Variants in KIF1C observed in about 807,000 individuals in gnomAD.
The protein encoded by KIF1C is kinesin family member 1C.
Under a neutral mutation model 126.5 loss-of-function variants are expected in KIF1C, and 61 were observed. The observed-to-expected ratio is 0.48, with a 90% CI of 0.39 to 0.60. The LOEUF is 0.60. KIF1C is among the 20% of genes least tolerant of loss of function. KIF1C has a pLI of 0.00. For missense variants in KIF1C, 1,315 were observed against 1,489.2 expected (o/e 0.88, Z 1.93); for synonymous variants, 640 against 580.6 (o/e 1.10, Z -1.47).
Position 5,004,586 on chromosome 17 carries a change from C to G in KIF1C, c.960C>G (p.Ala320=). 6.2e-7 allele frequency: 1 copy of G among 1,614,154 alleles called. No individual in the cohort carries two copies. Among genetic ancestry groups the G allele is most frequent in the Non-Finnish European group, 8.5e-7 (1 of 1,180,032 alleles). Residue 320 remains alanine, a synonymous_variant, in exon 12 of 23, where the codon GCC becomes GCG. Coordinates refer to ENST00000320785, the MANE Select transcript of KIF1C (RefSeq NM_006612.6). Reference sequence around the variant, plus strand: ...TCACAGGGGGGAACTCACGCACAGCCATGATTGCAGCCCTGAGCCCTGCTG... The same window carrying G: ...TCACAGGGGGGAACTCACGCACAGCGATGATTGCAGCCCTGAGCCCTGCTG... The part of the protein sequence containing the change: ...KENLGGNSRT[A]MIAALSPADI...
In KIF1C at chr17:5,024,722, T is replaced by G. The variant is rs1314216033; in HGVS notation, c.*571T>G. On this transcript the variant is annotated 3_prime_UTR_variant, in exon 23 of 23. Coordinates refer to ENST00000320785, the MANE Select transcript of KIF1C (RefSeq NM_006612.6). Reference sequence around the variant, plus strand: ...ACAGGGAGCTTGTGGCCTGTTTGTTTTGGGTTTTCATGGAGGTGTAGGTTA... The same window carrying G: ...ACAGGGAGCTTGTGGCCTGTTTGTTGTGGGTTTTCATGGAGGTGTAGGTTA... 6.5e-6 allele frequency: 1 copy of G among 153,272 alleles called. No individual in the cohort carries two copies. Among genetic ancestry groups the G allele is most frequent in the African/African-American group, 2.4e-5 (1 of 41,430 alleles). The allele number at this position is 153,272 out of a possible 1,614,324, so 9.5% of individuals were successfully genotyped here. A position where few individuals can be genotyped will look rare whatever the true frequency, so the allele number is the denominator to read the frequency against.
chr17:5,016,967 G>C (rs1974984080), intron 18 of KIF1C, among the ~76,000 whole-genome samples: 1 of 151,978 alleles, frequency 6.6e-6, no homozygotes, highest in African/African-American at 2.4e-5. Context: ...GCCAATCAAG[G>C]CAGTTGTTCT....
intron 13 of KIF1C, among the ~76,000 whole-genome samples, chr17:5,005,206 A>T (rs1466832462): frequency 1.3e-5 from 2 of 152,240 alleles, no homozygotes; most frequent in Non-Finnish European, 2.9e-5. Context: ...CTAGGAGAGG[A>T]TGAGGATCCA....
rs770999470 is a variant in KIF1C, at chr17:5,022,734, T to C, written c.2628+25T>C. ...GGTAGGACTGGCCTTCTGCCTCCCT[T>C]CTCTCCTCCCTCGGCTCTTCACTTT... On this transcript the variant is annotated intron_variant, in intron 22 of 22. Transcript: ENST00000320785. This position sits in a 1 kb window ranked among gnomAD's most constrained non-coding sequence, Gnocchi z 4.9. 4 of 1,498,684 alleles carry C rather than the reference T, an allele frequency of 2.7e-6. No homozygotes were observed. Among genetic ancestry groups the C allele is most frequent in the East Asian group, 4.6e-5 (2 of 43,400 alleles). 92.8% of individuals were successfully genotyped at this position (1,498,684 alleles called of 1,614,324 possible). A position where few individuals can be genotyped will look rare whatever the true frequency, so the allele number is the denominator to read the frequency against.
At chr17:5,009,901 C>G (rs1035957075) in intron 16 of KIF1C, among the ~76,000 whole-genome samples, 1 of 151,976 alleles carries the variant, frequency 6.6e-6, no homozygotes, top group African/African-American at 2.4e-5. Context: ...TTCACGGCCT[C>G]TCTAATAGTT....
intron 16 of KIF1C, among the ~76,000 whole-genome samples, chr17:5,010,177 T>C (rs567212513): frequency 1.6e-4 from 25 of 152,312 alleles, no homozygotes; most frequent in African/African-American, 5.8e-4. Flanking sequence ...GCACTGGCCT[T>C]GGCCTCCTGA....
Position 5,023,607 on chromosome 17 carries a change from G to T in KIF1C, c.2768G>T (p.Arg923Leu). Residue 923 changes from arginine (R) to leucine (L), a missense_variant, in exon 23 of 23, where the codon CGG (arginine) becomes CTG (leucine). Around this residue, in one of 2 missense-constraint regions of KIF1C, gnomAD observed 441 missense variants for 436.1 expected, o/e 1.01. Coordinates refer to ENST00000320785, the MANE Select transcript of KIF1C (RefSeq NM_006612.6). This position sits in a 1 kb window ranked among gnomAD's most constrained non-coding sequence, Gnocchi z 4.2. ...PPSPPLSSWE[R>L]VSRLMEEDPA... ...TCGCCACCACTGTCAAGCTGGGAGC[G>T]GGTGTCACGGCTCATGGAGGAGGAC... 1.2e-6 allele frequency: 2 copies of T among 1,613,718 alleles called. No individual in the cohort carries two copies. Among genetic ancestry groups the T allele is most frequent in the Non-Finnish European group, 1.7e-6 (2 of 1,179,922 alleles).
Position 5,022,320 on chromosome 17 carries a change from C to G in KIF1C, c.2239C>G (p.Leu747Val). The G allele has an allele frequency of 6.2e-7, 1 of 1,608,322 alleles. No individual in the cohort carries two copies. Among genetic ancestry groups the G allele is most frequent in the Non-Finnish European group, 8.5e-7 (1 of 1,177,340 alleles). The change falls in exon 22 of 23, where the codon CTG becomes GTG. Residue 747 changes from leucine (L) to valine (V), a missense_variant. Physicochemically the swap from Leu to Val is conservative, Grantham distance 32. Around this residue, in one of 2 missense-constraint regions of KIF1C, gnomAD observed 874 missense variants for 1,053.2 expected, o/e 0.83. Coordinates refer to ENST00000320785, the MANE Select transcript of KIF1C (RefSeq NM_006612.6). This position sits in a 1 kb window ranked among gnomAD's most constrained non-coding sequence, Gnocchi z 4.9. ...CCCCCGCTGGGCCACCATGGCTGAC[C>G]TGAAGATGCAGGCGGTGAAGGAGAT... ...KDPRWATMAD[L>V]KMQAVKEICY...
At position 5,024,075 on chromosome 17, in the gene KIF1C, C is replaced by T; in HGVS notation, c.3236C>T (p.Pro1079Leu). 1.2e-6 allele frequency: 2 copies of T among 1,602,584 alleles called. No individual in the cohort carries two copies. The highest frequency in any genetic ancestry group is 1.7e-6 in the Non-Finnish European group (2 of 1,174,528). The change falls in exon 23 of 23, where the codon CCC (proline) becomes CTC (leucine). Residue 1079 changes from proline (P) to leucine (L), a missense_variant. Pro to Leu is a moderately conservative substitution (Grantham distance 98). Around this residue, in one of 2 missense-constraint regions of KIF1C, gnomAD observed 441 missense variants for 436.1 expected, o/e 1.01. Coordinates refer to ENST00000320785, the MANE Select transcript of KIF1C (RefSeq NM_006612.6). ...CAGCGGCCCCCAGGGCCCCGCTACC[C>T]CCCATACACTACTCCCCCACGAATG... is the stretch of plus-strand genomic sequence containing the variant. ...PAQRPPGPRY[P>L]PYTTPPRMRR...
chr17:5,000,353 G>A lies in KIF1C; in HGVS notation c.106+1G>A. On this transcript the variant is annotated splice_donor_variant, in intron 3 of 22. Transcript: ENST00000320785. LOFTEE classifies it high-confidence loss of function. Reference sequence around the variant, plus strand: ...GTCAGCATGCAGGGCAACACCACCTGTGAGTGAGTCCCCGGGGCCTGGCTG... The same window carrying A: ...GTCAGCATGCAGGGCAACACCACCTATGAGTGAGTCCCCGGGGCCTGGCTG... 2 of 1,572,650 alleles carry A rather than the reference G, an allele frequency of 1.3e-6. No homozygotes were observed. The highest frequency in any genetic ancestry group is 1.2e-5 in the South Asian group (1 of 85,940).
At chr17:5,005,033 G>A (rs1489112988) in intron 13 of KIF1C, 33 bp downstream of exon 13, 1 of 1,613,362 alleles carries the variant, frequency 6.2e-7, no homozygotes, top group East Asian at 2.2e-5. Context: ...GCTCAGGGAT[G>A]CCCCTTGGCC....
chr17:5,002,710 G>A (rs753532768), intron 7 of KIF1C, 21 bp from the exon 8 acceptor site: 2 of 1,613,574 alleles, frequency 1.2e-6, no homozygotes, highest in Non-Finnish European at 1.7e-6. Context: ...AGGATCCAGT[G>A]ACTGCTTTCT....
intron 16 of KIF1C, among the ~76,000 whole-genome samples, chr17:5,008,026 T>G (rs1384185167): frequency 1.3e-5 from 2 of 151,968 alleles, no homozygotes; most frequent in African/African-American, 2.4e-5. Flanking sequence ...CTGGAGAAGG[T>G]GGTTTGGAAA....
At chr17:5,019,584 T>C in intron 18 of KIF1C, 1 of 210,506 alleles carries the variant, frequency 4.8e-6, no homozygotes, top group Non-Finnish European at 1.1e-5. Flanking sequence ...AGGGGTGGGC[T>C]ACAAGCCTGC....
intron 16 of KIF1C, among the ~76,000 whole-genome samples, chr17:5,012,521 G>T (rs1470771961): frequency 6.6e-6 from 1 of 152,070 alleles, no homozygotes; most frequent in African/African-American, 2.4e-5. Context: ...GACTGGAGCC[G>T]GGACATGGAG....
rs776012115 is a variant in KIF1C at position 5,003,858 on chromosome 17, C to T, written c.806C>T (p.Ala269Val). The T allele has an allele frequency of 1.9e-6, 3 of 1,613,542 alleles. No homozygotes were observed. The highest frequency in any genetic ancestry group is 1.7e-6 in the Non-Finnish European group (2 of 1,179,494). The part of the protein sequence containing the change: ...GARGMRLKEG[A>V]NINKSLTTLG... ...TTCCTCATCCTTTTCCAGGAAGGAG[C>T]CAACATCAATAAGTCCCTGACTACA... The change falls in exon 10 of 23, where the codon GCC becomes GTC. Residue 269 changes from alanine (A) to valine (V), a missense_variant. By Grantham distance (64) the Ala-to-Val change is moderately conservative. Coordinates refer to ENST00000320785, the MANE Select transcript of KIF1C (RefSeq NM_006612.6).
chr17:5,024,833 A>G lies in KIF1C; in HGVS notation c.*682A>G, dbSNP rs1975179788. 1 of 152,420 alleles carries G rather than the reference A, an allele frequency of 6.6e-6. No individual in the cohort carries two copies. The highest frequency in any genetic ancestry group is 2.4e-5 in the African/African-American group (1 of 41,368). 9.4% of individuals were successfully genotyped at this position (152,420 alleles called of 1,614,324 possible). On this transcript the variant is annotated 3_prime_UTR_variant, in exon 23 of 23. Coordinates refer to ENST00000320785, the MANE Select transcript of KIF1C (RefSeq NM_006612.6). ...GTGCAGGCACCACCCAGATCTGGAT[A>G]TAAGAATGTTTCCATCTTGTCTTCC... is the stretch of plus-strand genomic sequence containing the variant.
intron 14 of KIF1C, 39 bp from the exon 15 acceptor site, chr17:5,007,223 TC>T (rs752771611): frequency 5.7e-6 from 9 of 1,581,982 alleles, no homozygotes; most frequent in Middle Eastern, 3.3e-4. Flanking sequence ...GGTCTGCTTG[TC>T]CCAGACCATC....
Position 5,024,172 on chromosome 17 carries a change from G to A in KIF1C, c.*21G>A, listed in dbSNP as rs1386179104. The A allele has an allele frequency of 1.3e-6, 2 of 1,548,366 alleles. No homozygotes were observed. Among genetic ancestry groups the A allele is most frequent in the African/African-American group, 2.8e-5 (2 of 72,192 alleles). ...TGTGAGTCCCACATCCTGGGCAGAG[G>A]GCCTGGTGGGGCCCCTTGCTAGGAG... On this transcript the variant is annotated 3_prime_UTR_variant, in exon 23 of 23. Coordinates refer to ENST00000320785, the MANE Select transcript of KIF1C (RefSeq NM_006612.6).
Sources: allele counts gnomAD v4.1 joint callset (sites outside exome capture counted in the v4.1 genomes callset), GRCh38; gene constraint gnomAD v4.1.1; regional missense constraint gnomAD v4.1.1; non-coding constraint Gnocchi (gnomAD v3.1); transcripts MANE v1.5; gene names NCBI Gene and HGNC (gene_info 2026-07-23, HGNC 2026-07-21).